SCAPER: variants seen among roughly 807,000 people sequenced by gnomAD.
SCAPER encodes S phase cyclin A-associated protein in the endoplasmic reticulum.
A neutral mutation model predicts 182.2 loss-of-function variants in SCAPER; 98 were observed. That is an observed-to-expected ratio of 0.54 (90% CI 0.46 to 0.64). The LOEUF is 0.64. Ranked by LOEUF, SCAPER falls within the 30% of genes least tolerant of loss-of-function variation. The pLI is 0.00. For missense variants in SCAPER, 1,432 were observed against 1,690.0 expected (o/e 0.85, Z 2.68); for synonymous variants, 605 against 564.6 (o/e 1.07, Z -1.01).
chr15:76,424,321 G>A (rs2046265890), intron 26 of SCAPER, among the ~76,000 whole-genome samples: 1 of 152,102 alleles, frequency 6.6e-6, no homozygotes, highest in Non-Finnish European at 1.5e-5. Flanking sequence ...GTGCATATAT[G>A]TTTAGGATAG....
chr15:76,691,692 T>C (rs1044072448), intron 20 of SCAPER, among the ~76,000 whole-genome samples: 2 of 152,098 alleles, frequency 1.3e-5, no homozygotes, highest in African/African-American at 2.4e-5. Flanking sequence ...AAAATCAGAT[T>C]TCCCCACCAG....
At chr15:76,644,898 G>A (rs1189621743) in intron 21 of SCAPER, among the ~76,000 whole-genome samples, 2 of 151,606 alleles carry the variant, frequency 1.3e-5, no homozygotes, top group African/African-American at 2.4e-5. Flanking sequence ...CTTTTTCTCT[G>A]TGCACAATGT....
chr15:76,440,514 G>A (rs2047490771), intron 25 of SCAPER, among the ~76,000 whole-genome samples: 1 of 152,120 alleles, frequency 6.6e-6, no homozygotes, highest in Non-Finnish European at 1.5e-5. Flanking sequence ...TCTGAAGATA[G>A]GTTTACATAT....
intron 26 of SCAPER, among the ~76,000 whole-genome samples, chr15:76,423,721 A>G (rs1360941270): frequency 6.6e-6 from 1 of 152,088 alleles, no homozygotes; most frequent in African/African-American, 2.4e-5. Context: ...TAGGGTGTCA[A>G]TTTTAGATCT....
At chr15:76,462,553 C>A (rs920464753) in intron 25 of SCAPER, among the ~76,000 whole-genome samples, 1 of 152,036 alleles carries the variant, frequency 6.6e-6, no homozygotes, top group Non-Finnish European at 1.5e-5. Flanking sequence ...TTACTGAAAC[C>A]TTTTACACCT....
intron 22 of SCAPER, among the ~76,000 whole-genome samples, chr15:76,613,130 T>C (rs2051150314): frequency 6.6e-6 from 1 of 152,034 alleles, no homozygotes; most frequent in Non-Finnish European, 1.5e-5. Flanking sequence ...CACTTACAAC[T>C]ATCTGATCTT....
At chr15:76,587,940 A>G (rs1597533672) in intron 22 of SCAPER, among the ~76,000 whole-genome samples, 1 of 146,416 alleles carries the variant, frequency 6.8e-6, no homozygotes. Context: ...TTTTTTTTTT[A>G]AGACAGAGTC....
chr15:76,687,779 T>C (rs569245003), intron 20 of SCAPER, among the ~76,000 whole-genome samples: 2 of 152,358 alleles, frequency 1.3e-5, no homozygotes, highest in African/African-American at 4.8e-5. Flanking sequence ...CTCATCCTTT[T>C]TTATGGCTGC....
intron 27 of SCAPER, among the ~76,000 whole-genome samples, chr15:76,394,689 T>G (rs936685129): frequency 6.6e-6 from 1 of 152,234 alleles, no homozygotes; most frequent in African/African-American, 2.4e-5. Context: ...CTTTAAAAAT[T>G]CATTTTATGT....
chr15:76,870,616 GAAATT>G (rs1235423287), intron 2 of SCAPER, among the ~76,000 whole-genome samples: 1 of 151,772 alleles, frequency 6.6e-6, no homozygotes, highest in Non-Finnish European at 1.5e-5. Flanking sequence ...TCAAAAAACT[GAAATT>G]AAGAACTCAA....
At chr15:76,693,497 A>T (rs1201460848) in intron 20 of SCAPER, among the ~76,000 whole-genome samples, 2 of 152,102 alleles carry the variant, frequency 1.3e-5, no homozygotes, top group East Asian at 3.9e-4. Context: ...TACTAAGAAA[A>T]CTGAAAGCAA....
In SCAPER at chr15:76,764,042, C is replaced by T. The variant is rs555858413; in HGVS notation, c.1725+919G>A. Among the ~76,000 whole-genome samples, 45 of 152,106 alleles carry T rather than the reference C, an allele frequency of 3.0e-4. 1 individual carries two copies. Among genetic ancestry groups the T allele is most frequent in the African/African-American group, 1.0e-3 (43 of 41,496 alleles). ...ATTTTTCATGTTCTTTGTATCCTTG[C>T]ATTGCTGTCTATGCACTTAAAGAAG... On this transcript the variant is annotated intron_variant, in intron 14 of 31. Coordinates refer to ENST00000563290, the MANE Select transcript of SCAPER (RefSeq NM_020843.4).
At chr15:76,618,080 T>A (rs2051661825) in intron 22 of SCAPER, among the ~76,000 whole-genome samples, 1 of 152,070 alleles carries the variant, frequency 6.6e-6, no homozygotes, top group African/African-American at 2.4e-5. Flanking sequence ...CCAACCCTGG[T>A]GAAACCCCGT....
chr15:76,412,798 G>A (rs1394957341), intron 26 of SCAPER, among the ~76,000 whole-genome samples: 1 of 152,084 alleles, frequency 6.6e-6, no homozygotes. Context: ...TTTTGATTAG[G>A]ATTGCACAGA....
At chr15:76,709,510 T>A (rs1227806345) in intron 17 of SCAPER, among the ~76,000 whole-genome samples, 1 of 152,022 alleles carries the variant, frequency 6.6e-6, no homozygotes, top group Non-Finnish European at 1.5e-5. Context: ...CAAAGCTGAC[T>A]CCAGAAGATG....
intron 21 of SCAPER, among the ~76,000 whole-genome samples, chr15:76,623,242 T>A (rs2052263233): frequency 6.6e-6 from 1 of 152,228 alleles, no homozygotes; most frequent in East Asian, 1.9e-4. Flanking sequence ...GAGCAGAAGC[T>A]CTTTAATTAG....
intron 19 of SCAPER, among the ~76,000 whole-genome samples, chr15:76,702,384 G>A (rs1420967320): frequency 6.6e-6 from 1 of 152,120 alleles, no homozygotes; most frequent in African/African-American, 2.4e-5. Flanking sequence ...AAATGCTGAT[G>A]TTATTTGTAC....
chr15:76,863,493 T>C (rs1184803992), intron 2 of SCAPER, among the ~76,000 whole-genome samples: 2 of 152,170 alleles, frequency 1.3e-5, no homozygotes, highest in Non-Finnish European at 2.9e-5. Context: ...GCAATTACTA[T>C]GTGCAAAAGC....
At chr15:76,765,289 T>C (rs753276117) in intron 13 of SCAPER, 48 bp downstream of exon 13, 9 of 1,430,682 alleles carry the variant, frequency 6.3e-6, no homozygotes, top group Non-Finnish European at 8.8e-6. Context: ...CAAGAGTGGC[T>C]AGTTTCCTTG....
Sources: allele counts gnomAD v4.1 joint callset (sites outside exome capture counted in the v4.1 genomes callset), GRCh38; gene constraint gnomAD v4.1.1; transcripts MANE v1.5; gene names NCBI Gene and HGNC (gene_info 2026-07-23, HGNC 2026-07-21).